The following COX7A2L variants were observed in gnomAD, a reference collection of about 807,000 sequenced individuals.
The protein encoded by COX7A2L is cytochrome c oxidase subunit 7A2-like, mitochondrial.
In COX7A2L, 18 loss-of-function variants were observed where a neutral mutation model predicts 14.2. The observed-to-expected ratio is 1.27, with a 90% CI of 0.88 to 1.88. COX7A2L has a LOEUF of 1.88. COX7A2L is among the 40% of genes most tolerant of loss of function. The pLI, the probability that COX7A2L is intolerant of heterozygous loss-of-function variation, is 0.00. For missense variants in COX7A2L, 179 were observed against 138.8 expected, an observed-to-expected ratio of 1.29 and a Z score of -1.46; for synonymous variants, 65 against 57.4, an observed-to-expected ratio of 1.13 and a Z score of -0.60.
chr2:42,365,930 T>C (rs1480600928), upstream of COX7A2L: 1 of 152,152 alleles, frequency 6.6e-6, no homozygotes, highest in African/African-American at 2.4e-5. Context: ...ACATATCACC[T>C]CCACACATTG....
At chr2:42,354,088 G>A (rs369855456) in intron 1 of COX7A2L, among the ~76,000 whole-genome samples, 1 of 152,150 alleles carries the variant, frequency 6.6e-6, no homozygotes, top group Admixed American at 6.5e-5. Context: ...TGGGGGCTTG[G>A]GGGCTAGGGA....
Position 42,361,171 on chromosome 2 carries a change from A to G in COX7A2L, c.-10T>C, listed in dbSNP as rs768755431. On this transcript the variant is annotated 5_prime_UTR_variant, in exon 1 of 3. Coordinates refer to ENST00000234301, the MANE Select transcript of COX7A2L (RefSeq NM_004718.4). ...TAAACTTGTAGTACATGACGCCCAG[A>G]GTCCGGCTTCCCGCATCCGCTGCCA... 5 of 1,605,502 alleles carry G rather than the reference A, an allele frequency of 3.1e-6. No individual in the cohort carries two copies. The highest frequency in any genetic ancestry group is 4.3e-6 in the Non-Finnish European group (5 of 1,174,742).
At chr2:42,344,209 T>G (rs919365760) in intron 2 of COX7A2L, among the ~76,000 whole-genome samples, 1 of 152,218 alleles carries the variant, frequency 6.6e-6, no homozygotes, top group African/African-American at 2.4e-5. Flanking sequence ...TTAAATCAGT[T>G]CTAAATGTAT....
chr2:42,363,605 TG>T (rs1327995393), upstream of COX7A2L, among the ~76,000 whole-genome samples: 1 of 152,202 alleles, frequency 6.6e-6, no homozygotes, highest in African/African-American at 2.4e-5. Flanking sequence ...TAGCAGAGTG[TG>T]GGTTGGGATG....
At chr2:42,361,325 T>A (rs1671044401), upstream of COX7A2L, 1 of 625,226 alleles carries the variant, frequency 1.6e-6, no homozygotes, top group African/African-American at 1.9e-5. Context: ...TAAGCCGCAT[T>A]GGGGAACCAA....
chr2:42,347,349 T>C (rs1484000057), downstream of COX7A2L, among the ~76,000 whole-genome samples: 1 of 149,724 alleles, frequency 6.7e-6, no homozygotes, highest in East Asian at 1.9e-4. Context: ...CTATTGAAAT[T>C]GGAAATGCAC....
At chr2:42,359,149 T>C (rs529282029) in intron 1 of COX7A2L, 1 of 152,332 alleles carries the variant, frequency 6.6e-6, no homozygotes, top group Non-Finnish European at 1.5e-5. Flanking sequence ...GGCTCACATC[T>C]GTAATTCCAA....
intron 2 of COX7A2L, among the ~76,000 whole-genome samples, chr2:42,343,954 G>C (rs936136908): frequency 6.6e-6 from 1 of 152,212 alleles, no homozygotes; most frequent in African/African-American, 2.4e-5. Flanking sequence ...CCGAGAAGGA[G>C]AGCGAAAGCT....
intron 2 of COX7A2L, among the ~76,000 whole-genome samples, chr2:42,337,500 A>C (rs745722453): frequency 7.2e-5 from 11 of 152,128 alleles, no homozygotes; most frequent in Non-Finnish European, 1.0e-4. Context: ...GCACAAGGGG[A>C]TTCCTCTGCA....
downstream of COX7A2L, among the ~76,000 whole-genome samples, chr2:42,346,653 A>T (rs1365951897): frequency 3.3e-5 from 5 of 151,838 alleles, no homozygotes; most frequent in Non-Finnish European, 4.4e-5. Context: ...TTGTCCCACT[A>T]CTTAGGAGGG....
At position 42,350,946 on chromosome 2, in the gene COX7A2L, T is replaced by G; in HGVS notation, c.*273A>C. On this transcript the variant is annotated 3_prime_UTR_variant, in exon 3 of 3. Coordinates refer to ENST00000234301, the MANE Select transcript of COX7A2L (RefSeq NM_004718.4). ...CAGCACAGACTGACATTAACAAGCC[T>G]GTGTTCAGCCTTCATCCAGAACCTC... 3.5e-6 allele frequency: 1 copy of G among 285,026 alleles called. No individual in the cohort carries two copies. The highest frequency in any genetic ancestry group is 6.5e-6 in the Non-Finnish European group (1 of 152,722). 17.7% of individuals were successfully genotyped at this position (285,026 alleles called of 1,614,324 possible).
At chr2:42,352,214 G>A (rs149738514) in intron 2 of COX7A2L, among the ~76,000 whole-genome samples, 29 of 152,262 alleles carry the variant, frequency 1.9e-4, no homozygotes, top group African/African-American at 7.0e-4. Flanking sequence ...CTGCTACCCA[G>A]GCTAGAATGC....
downstream of COX7A2L, among the ~76,000 whole-genome samples, chr2:42,348,316 G>T (rs542839694): frequency 5.3e-5 from 8 of 152,248 alleles, no homozygotes; most frequent in South Asian, 1.7e-3. Flanking sequence ...CTCAAATATC[G>T]CCCCTCAGGC....
intron 2 of COX7A2L, among the ~76,000 whole-genome samples, chr2:42,343,861 G>A (rs372576386): frequency 3.9e-4 from 60 of 152,266 alleles, no homozygotes; most frequent in African/African-American, 1.4e-3. Context: ...ATAAATAAAC[G>A]AAAGCTGGCC....
chr2:42,337,142 C>G (rs376679863), intron 2 of COX7A2L, among the ~76,000 whole-genome samples: 1 of 152,168 alleles, frequency 6.6e-6, no homozygotes, highest in Non-Finnish European at 1.5e-5. Flanking sequence ...TACTCATGCA[C>G]TGAAACCATC....
At chr2:42,336,465 G>T (rs1275445804) in intron 2 of COX7A2L, among the ~76,000 whole-genome samples, 3 of 152,150 alleles carry the variant, frequency 2.0e-5, no homozygotes, top group Admixed American at 6.5e-5. Flanking sequence ...CGAAGAAAGG[G>T]CCTCAGGGAG....
rs1670580389 is a variant in COX7A2L, at chr2:42,349,739, G to C, written c.*1480C>G. 6.6e-6 allele frequency: 1 copy of C among 152,178 alleles called. No homozygotes were observed. Among genetic ancestry groups the C allele is most frequent in the African/African-American group, 2.4e-5 (1 of 41,440 alleles). The allele number at this position is 152,178 out of a possible 1,614,324, so 9.4% of individuals were successfully genotyped here. A position where few individuals can be genotyped will look rare whatever the true frequency, so the allele number is the denominator to read the frequency against. On this transcript the variant is annotated 3_prime_UTR_variant, in exon 3 of 3. Coordinates refer to ENST00000234301, the MANE Select transcript of COX7A2L (RefSeq NM_004718.4). ...TTGTTATAAATGTTAACTTTATTGA[G>C]TCTGACAACTGCATTATGGTTATAA...
In COX7A2L at chr2:42,342,948, G is replaced by A. The variant is rs1670429443; in HGVS notation, c.193-9079C>T. ...GGGCACCGTGGAGCCACAGAGGTCA[G>A]GAGGCCTGATTCCAGCTTATGCAAG... On this transcript the variant is annotated intron_variant, in intron 2 of 2. Transcript: ENST00000468711. The surrounding 1 kb of genome is among the most constrained non-coding windows in gnomAD (Gnocchi z 4.9). 6.6e-6 allele frequency among the ~76,000 whole-genome samples: 1 copy of A among 152,106 alleles called. No individual in the cohort carries two copies. Among genetic ancestry groups the A allele is most frequent in the Non-Finnish European group, 1.5e-5 (1 of 68,010 alleles).
At chr2:42,358,031 C>T (rs1339934340) in intron 1 of COX7A2L, among the ~76,000 whole-genome samples, 2 of 152,186 alleles carry the variant, frequency 1.3e-5, no homozygotes, top group Non-Finnish European at 2.9e-5. Flanking sequence ...CTAGATCACA[C>T]AGTAAAATTA....
Sources: allele counts gnomAD v4.1 joint callset (sites outside exome capture counted in the v4.1 genomes callset), GRCh38; gene constraint gnomAD v4.1.1; non-coding constraint Gnocchi (gnomAD v3.1); transcripts MANE v1.5; gene names NCBI Gene and HGNC (gene_info 2026-07-23, HGNC 2026-07-21).